GRIA2: variants seen among roughly 807,000 people sequenced by gnomAD.
GRIA2 encodes glutamate ionotropic receptor AMPA type subunit 2.
GRIA2 carries 14 observed loss-of-function variants against 97.3 expected under a neutral mutation model. That is an observed-to-expected ratio of 0.14 (90% CI 0.10 to 0.23). GRIA2 has a LOEUF of 0.23. Among genes scored for constraint, GRIA2 ranks in the 10% least tolerant of loss-of-function variants. The pLI is 1.00. For missense variants in GRIA2, 558 were observed against 1,069.8 expected (o/e 0.52, Z 6.67); for synonymous variants, 412 against 387.8 (o/e 1.06, Z -0.73).
intron 2 of GRIA2, among the ~76,000 whole-genome samples, chr4:157,277,826 G>GTACATATGTATA (rs1732397211): frequency 7.1e-6 from 1 of 141,094 alleles, no homozygotes; most frequent in African/African-American, 2.6e-5. Context: ...ATATATATAT[G>GTACATATGTATA]TATATATGTA....
intron 2 of GRIA2, among the ~76,000 whole-genome samples, chr4:157,273,582 GAA>G (rs1306062336): frequency 6.6e-6 from 1 of 152,040 alleles, no homozygotes; most frequent in Admixed American, 6.6e-5. Context: ...CACTGTAAGA[GAA>G]ATAAAGAATA....
chr4:157,321,388 G>A (rs4475186), intron 5 of GRIA2, 50 bp from the exon 6 acceptor site: 852,038 of 1,302,712 alleles, frequency 0.65, 281,222 homozygotes, highest in East Asian at 0.84. Flanking sequence ...ATGTTAAGTA[G>A]CATTTTGTTC....
intron 2 of GRIA2, among the ~76,000 whole-genome samples, chr4:157,227,391 G>A (rs570046792): frequency 6.6e-6 from 1 of 152,260 alleles, no homozygotes; most frequent in Non-Finnish European, 1.5e-5. Flanking sequence ...GTGAAAAAGA[G>A]CAGTTGTTTT....
intron 2 of GRIA2, among the ~76,000 whole-genome samples, chr4:157,240,780 A>T (rs1322413101): frequency 6.6e-6 from 1 of 151,568 alleles, no homozygotes; most frequent in East Asian, 1.9e-4. Flanking sequence ...ACATATGTAT[A>T]CATGTGCCAT....
chr4:157,227,565 C>T (rs1393203126), intron 2 of GRIA2, among the ~76,000 whole-genome samples: 1 of 152,092 alleles, frequency 6.6e-6, no homozygotes, highest in African/African-American at 2.4e-5. Context: ...GAGAACTGTC[C>T]TTTAAACATT....
rs1257160297 is a variant in GRIA2 at position 157,256,232 on chromosome 4, TA to T, written c.229+34427del. ...TATGTTATATATAATATATAATATA[TA>T]ATATATATATATAATATATAAATTA... On this transcript the variant is annotated intron_variant, in intron 2 of 15. Transcript: ENST00000264426. Among the ~76,000 whole-genome samples the T allele has an allele frequency of 2.8e-4, 34 of 121,140 alleles. 1 individual carries two copies. In the South Asian group the frequency reaches 6.5e-3, roughly 23 times the overall value. 79.5% of individuals were successfully genotyped at this position (121,140 alleles called of 152,430 possible). A position where few individuals can be genotyped will look rare whatever the true frequency, so the allele number is the denominator to read the frequency against.
At chr4:157,243,098 C>T (rs1730578228) in intron 2 of GRIA2, among the ~76,000 whole-genome samples, 1 of 152,062 alleles carries the variant, frequency 6.6e-6, no homozygotes, top group Non-Finnish European at 1.5e-5. Flanking sequence ...AGAGTGTTGC[C>T]TTGTTTGATC....
At chr4:157,231,267 G>C (rs780385758) in intron 2 of GRIA2, among the ~76,000 whole-genome samples, 1 of 152,184 alleles carries the variant, frequency 6.6e-6, no homozygotes, top group Non-Finnish European at 1.5e-5. Flanking sequence ...ACGAACTCCT[G>C]ATCTCAGGCA....
chr4:157,226,829 G>T (rs894342564), intron 2 of GRIA2, among the ~76,000 whole-genome samples: 1 of 152,132 alleles, frequency 6.6e-6, no homozygotes, highest in Non-Finnish European at 1.5e-5. Flanking sequence ...CTTAAGCAAT[G>T]ATGACAAACC....
At chr4:157,240,129 A>G (rs1730438952) in intron 2 of GRIA2, among the ~76,000 whole-genome samples, 1 of 152,270 alleles carries the variant, frequency 6.6e-6, no homozygotes, top group South Asian at 2.1e-4. Flanking sequence ...AAGTTTTAAA[A>G]TAATAAATCA....
chr4:157,355,886 A>T (rs1416861344), intron 12 of GRIA2, among the ~76,000 whole-genome samples: 2 of 52,750 alleles, frequency 3.8e-5, no homozygotes, highest in South Asian at 7.3e-4. Flanking sequence ...TATATATATT[A>T]ATATATTTAT....
At chr4:157,228,613 C>A (rs1483921314) in intron 2 of GRIA2, among the ~76,000 whole-genome samples, 1 of 151,734 alleles carries the variant, frequency 6.6e-6, no homozygotes, top group Non-Finnish European at 1.5e-5. Context: ...GCCAACATGG[C>A]GAAATCTTGT....
intron 3 of GRIA2, among the ~76,000 whole-genome samples, chr4:157,304,965 A>T (rs931508922): frequency 1.3e-5 from 2 of 152,114 alleles, no homozygotes; most frequent in Non-Finnish European, 2.9e-5. Flanking sequence ...GCTGAAAAAA[A>T]ATTTGCTGTG....
intron 2 of GRIA2, among the ~76,000 whole-genome samples, chr4:157,227,209 A>G (rs992873358): frequency 6.6e-6 from 1 of 152,134 alleles, no homozygotes; most frequent in Non-Finnish European, 1.5e-5. Context: ...CTCAAGAAGG[A>G]TGGGGTATTT....
intron 2 of GRIA2, among the ~76,000 whole-genome samples, chr4:157,295,254 A>G (rs547977069): frequency 5.6e-4 from 86 of 152,266 alleles, no homozygotes; most frequent in Non-Finnish European, 1.0e-3. Flanking sequence ...AGAAAAATGT[A>G]TTATTACAGC....
intron 12 of GRIA2, among the ~76,000 whole-genome samples, chr4:157,350,941 T>TA (rs531777366): frequency 2.7e-3 from 407 of 150,790 alleles, no homozygotes; most frequent in African/African-American, 9.4e-3. Flanking sequence ...CTTTTTTTTT[T>TA]TTTTTTTGCT....
chr4:157,264,576 T>G (rs2126775980), intron 2 of GRIA2, among the ~76,000 whole-genome samples: 1 of 152,228 alleles, frequency 6.6e-6, no homozygotes, highest in South Asian at 2.1e-4. Context: ...ACTGCAATCT[T>G]AATTTCATTT....
At chr4:157,282,596 G>C (rs1195855212) in intron 2 of GRIA2, among the ~76,000 whole-genome samples, 1 of 152,030 alleles carries the variant, frequency 6.6e-6, no homozygotes, top group African/African-American at 2.4e-5. Context: ...TAGATTTCAG[G>C]AGTTCACACT....
At chr4:157,235,732 T>C (rs1032672203) in intron 2 of GRIA2, among the ~76,000 whole-genome samples, 6 of 152,104 alleles carry the variant, frequency 3.9e-5, no homozygotes, top group African/African-American at 1.4e-4. Context: ...TATTTTATTT[T>C]GCATATGATT....
Sources: allele counts gnomAD v4.1 joint callset (sites outside exome capture counted in the v4.1 genomes callset), GRCh38; gene constraint gnomAD v4.1.1; transcripts MANE v1.5; gene names NCBI Gene and HGNC (gene_info 2026-07-23, HGNC 2026-07-21).